The following CNTNAP3B variants were observed in gnomAD, a reference collection of about 807,000 sequenced individuals.
CNTNAP3B encodes contactin associated protein family member 3B.
A neutral mutation model predicts 108.9 loss-of-function variants in CNTNAP3B; 25 were observed. The ratio of observed to expected loss-of-function variants is 0.23; its 90% CI spans 0.17 to 0.32. The LOEUF (loss-of-function observed/expected upper bound fraction) is 0.32. CNTNAP3B is among the 10% of genes least tolerant of loss of function. The pLI is 1.00. For missense variants in CNTNAP3B, 252 were observed against 1,210.4 expected, an observed-to-expected ratio of 0.21 and a Z score of 11.75; for synonymous variants, 103 against 473.4, an observed-to-expected ratio of 0.22 and a Z score of 10.16.
intron 11 of CNTNAP3B, among the ~76,000 whole-genome samples, chr9:41,962,823 C>T (rs534308679): frequency 2.5e-4 from 38 of 152,294 alleles, no homozygotes; most frequent in African/African-American, 7.5e-4. Context: ...GGCGTGGTGG[C>T]GGGCGCCTGT....
At chr9:42,127,173 A>C (rs905059365) in intron 1 of CNTNAP3B, among the ~76,000 whole-genome samples, 1 of 138,628 alleles carries the variant, frequency 7.2e-6, no homozygotes, top group African/African-American at 2.9e-5. Context: ...GAAAACACCC[A>C]CAGTAGTAGT....
rs1278182376 is a variant in CNTNAP3B at position 42,111,207 on chromosome 9, G to A, written c.86-6468C>T. ...AATGGGAACAGAACCTGGGACTTTCGAATGAATAACAGCAGAACTTGGGAC... is the reference window on the plus strand; with the variant it reads ...AATGGGAACAGAACCTGGGACTTTCAAATGAATAACAGCAGAACTTGGGAC... On this transcript the variant is annotated intron_variant, in intron 1 of 23. Coordinates refer to ENST00000377561, the MANE Select transcript of CNTNAP3B (RefSeq NM_001201380.3). 3.6e-5 allele frequency among the ~76,000 whole-genome samples: 5 copies of A among 139,464 alleles called. 1 individual carries two copies. Among genetic ancestry groups the A allele is most frequent in the Non-Finnish European group, 6.2e-5 (4 of 64,962 alleles). 91.5% of individuals were successfully genotyped at this position (139,464 alleles called of 152,430 possible). A position where few individuals can be genotyped will look rare whatever the true frequency, so the allele number is the denominator to read the frequency against.
At chr9:42,120,496 T>C (rs1828436315) in intron 1 of CNTNAP3B, among the ~76,000 whole-genome samples, 1 of 137,796 alleles carries the variant, frequency 7.3e-6, no homozygotes, top group African/African-American at 2.9e-5. Context: ...GGATTATAAA[T>C]CATGCTGCTA....
chr9:42,119,754 G>T (rs918239646), intron 1 of CNTNAP3B, among the ~76,000 whole-genome samples: 11 of 140,168 alleles, frequency 7.8e-5, no homozygotes, highest in Admixed American at 3.5e-4. Context: ...AATGGTGCTG[G>T]GAAAACTGGC....
At chr9:41,924,771 G>A (rs1469208922) in intron 15 of CNTNAP3B, among the ~76,000 whole-genome samples, 1 of 152,198 alleles carries the variant, frequency 6.6e-6, no homozygotes, top group Non-Finnish European at 1.5e-5. Flanking sequence ...ACCCATCACA[G>A]GACTGCACAT....
In CNTNAP3B at chr9:42,104,696, G is replaced by T; in HGVS notation, c.129C>A (p.Ser43=). ...TGGACAGCTCTGAGGAGCTGCTGAA[G>T]GATGACCTAGGCAAGGCAGAGGCCA... ...SPLASALPRS[S]FSSSSELSSS... Residue 43 remains serine (S), a synonymous_variant, in exon 2 of 24, where the codon TCC becomes TCA. Transcript: ENST00000377561. 8.6e-7 allele frequency: 1 copy of T among 1,164,238 alleles called. No individual in the cohort carries two copies. Among genetic ancestry groups the T allele is most frequent in the East Asian group, 4.6e-5 (1 of 21,958 alleles). 72.1% of individuals were successfully genotyped at this position (1,164,238 alleles called of 1,614,324 possible).
chr9:42,055,225 C>A (rs1827040996), intron 3 of CNTNAP3B, among the ~76,000 whole-genome samples: 1 of 138,056 alleles, frequency 7.2e-6, no homozygotes, highest in African/African-American at 2.9e-5. Flanking sequence ...ATTCCCATTA[C>A]CCAGAGGGAA....
chr9:41,953,472 C>G, intron 12 of CNTNAP3B, 86 bp from the exon 13 acceptor site: 1 of 1,488,868 alleles, frequency 6.7e-7, no homozygotes. Context: ...TGTGAATTAA[C>G]GTTTAATTGA....
At chr9:42,115,162 T>C (rs11507301) in intron 1 of CNTNAP3B, among the ~76,000 whole-genome samples, 59,212 of 136,122 alleles carry the variant, frequency 0.43, 17,453 homozygotes, top group East Asian at 0.69. Context: ...CATTGCTAAA[T>C]GCAATCAAAG....
intron 3 of CNTNAP3B, among the ~76,000 whole-genome samples, chr9:42,044,007 AT>A (rs1269937079): frequency 8.3e-6 from 1 of 120,136 alleles, no homozygotes; most frequent in Non-Finnish European, 1.7e-5. Flanking sequence ...TCTGTCCTGC[AT>A]GGGACGTGAA....
At chr9:42,032,737 G>A (rs1172905119) in intron 3 of CNTNAP3B, among the ~76,000 whole-genome samples, 2 of 132,018 alleles carry the variant, frequency 1.5e-5, no homozygotes, top group Non-Finnish European at 3.2e-5. Context: ...ACTGCAGACT[G>A]GGAGGTTTAA....
intron 10 of CNTNAP3B, among the ~76,000 whole-genome samples, chr9:41,968,801 C>CA (rs1825356415): frequency 7.3e-6 from 1 of 137,424 alleles, no homozygotes; most frequent in African/African-American, 2.8e-5. Flanking sequence ...GCAGATATAA[C>CA]TTTTTTTTTT....
In CNTNAP3B at chr9:42,001,220, C is replaced by T. The variant is rs1227091068; in HGVS notation, c.539-2616G>A. Among the ~76,000 whole-genome samples, 28 of 91,746 alleles carry T rather than the reference C, an allele frequency of 3.1e-4. 1 individual carries two copies. The East Asian group carries it at 6.9e-3, about 23-fold the overall frequency. The allele number at this position is 91,746 out of a possible 152,430, so 60.2% of individuals were successfully genotyped here. On this transcript the variant is annotated intron_variant, in intron 4 of 23. Coordinates refer to ENST00000377561, the MANE Select transcript of CNTNAP3B (RefSeq NM_001201380.3). ...ATCCCAGCCCTTTGGGAGGCTGACG[C>T]GGGCAGATCACTTGGGCCCAAGAGT...
At chr9:41,931,118 A>G (rs1304025450) in intron 14 of CNTNAP3B, among the ~76,000 whole-genome samples, 10 of 152,414 alleles carry the variant, frequency 6.6e-5, no homozygotes, top group African/African-American at 2.2e-4. Context: ...GTGGCAAAAG[A>G]TCACAATAAT....
intron 13 of CNTNAP3B, among the ~76,000 whole-genome samples, chr9:41,939,678 C>T (rs1344505334): frequency 2.6e-5 from 4 of 152,376 alleles, no homozygotes; most frequent in Non-Finnish European, 4.4e-5. Context: ...ATTAAACTGT[C>T]GCAGATTAAA....
intron 11 of CNTNAP3B, among the ~76,000 whole-genome samples, chr9:41,964,091 T>A (rs1321788453): frequency 6.6e-6 from 1 of 152,302 alleles, no homozygotes; most frequent in Non-Finnish European, 1.5e-5. Context: ...GATTGCATCA[T>A]CCCAGTGATT....
chr9:41,978,927 G>C, intron 9 of CNTNAP3B, among the ~76,000 whole-genome samples: 1 of 146,590 alleles, frequency 6.8e-6, no homozygotes, highest in South Asian at 2.2e-4. Flanking sequence ...TAAATATATA[G>C]AATTTTTATT....
At chr9:42,112,775 A>G (rs559671937) in intron 1 of CNTNAP3B, among the ~76,000 whole-genome samples, 1 of 137,336 alleles carries the variant, frequency 7.3e-6, no homozygotes. Context: ...TAACAACAGT[A>G]TACCAATTTT....
chr9:42,030,243 G>T, intron 3 of CNTNAP3B, among the ~76,000 whole-genome samples: 2 of 47,732 alleles, frequency 4.2e-5, no homozygotes, highest in African/African-American at 1.1e-4. Context: ...AACCACTCTT[G>T]AAGAAAAGAT....
Sources: allele counts gnomAD v4.1 joint callset (sites outside exome capture counted in the v4.1 genomes callset), GRCh38; gene constraint gnomAD v4.1.1; transcripts MANE v1.5; gene names NCBI Gene and HGNC (gene_info 2026-07-23, HGNC 2026-07-21).